RANBP17: variants seen among roughly 807,000 people sequenced by gnomAD.
The protein encoded by RANBP17 is RAN binding protein 17.
Under a neutral mutation model 141.2 loss-of-function variants are expected in RANBP17, and 158 were observed. That is an observed-to-expected ratio of 1.12 (90% confidence interval 0.98 to 1.28). RANBP17 has a LOEUF of 1.28. Among genes scored for constraint, RANBP17 ranks in the 50% most tolerant of loss-of-function variants. The probability of loss-of-function intolerance (pLI) is 0.00; values close to 1 mark genes in which losing one functional copy is unlikely to be tolerated. For synonymous variants in RANBP17, 430 were observed against 450.0 expected, an observed-to-expected ratio of 0.96 and a Z score of 0.56; for missense variants, 1,438 against 1,290.7, an observed-to-expected ratio of 1.11 and a Z score of -1.75.
chr5:171,155,234 T>G (rs1758817054), intron 14 of RANBP17, among the ~76,000 whole-genome samples: 1 of 150,842 alleles, frequency 6.6e-6, no homozygotes, highest in Non-Finnish European at 1.5e-5. Flanking sequence ...GAGAATACAA[T>G]TAGCCTTCCC....
At chr5:171,048,829 C>T (rs573431571) in intron 14 of RANBP17, among the ~76,000 whole-genome samples, 3 of 152,222 alleles carry the variant, frequency 2.0e-5, no homozygotes, top group African/African-American at 7.2e-5. Flanking sequence ...TTAATGGCTG[C>T]ATAGTAGTGC....
At chr5:171,139,983 G>C (rs1757582929) in intron 14 of RANBP17, among the ~76,000 whole-genome samples, 2 of 152,042 alleles carry the variant, frequency 1.3e-5, no homozygotes, top group Non-Finnish European at 2.9e-5. Flanking sequence ...ACCCTCAGCA[G>C]CATAAACTCT....
At chr5:171,004,961 A>C (rs1327072482) in intron 14 of RANBP17, among the ~76,000 whole-genome samples, 1 of 152,168 alleles carries the variant, frequency 6.6e-6, no homozygotes, top group Non-Finnish European at 1.5e-5. Context: ...AGCGGAGGCA[A>C]GTAGCTGTAA....
intron 24 of RANBP17, among the ~76,000 whole-genome samples, chr5:171,256,996 AAAG>A (rs1385320568): frequency 6.6e-6 from 1 of 152,194 alleles, no homozygotes; most frequent in Non-Finnish European, 1.5e-5. Context: ...CCAAATATAC[AAAG>A]AAGAGCTAAT....
At chr5:171,032,164 A>C (rs1213239625) in intron 14 of RANBP17, among the ~76,000 whole-genome samples, 1 of 152,104 alleles carries the variant, frequency 6.6e-6, no homozygotes, top group Non-Finnish European at 1.5e-5. Context: ...TATTAAAGGC[A>C]AGCATAAAGC....
At chr5:171,026,852 C>T (rs1781264179) in intron 14 of RANBP17, among the ~76,000 whole-genome samples, 1 of 152,190 alleles carries the variant, frequency 6.6e-6, no homozygotes, top group Non-Finnish European at 1.5e-5. Flanking sequence ...ACCCCCAGGC[C>T]ACAGGTTGGT....
intron 20 of RANBP17, chr5:171,207,690 C>T (rs181885056): frequency 6.6e-6 from 1 of 152,214 alleles, no homozygotes; most frequent in African/African-American, 2.4e-5. Flanking sequence ...AGTAGCAAAT[C>T]AGCTTCCTTG....
intron 25 of RANBP17, among the ~76,000 whole-genome samples, chr5:171,290,367 C>CA (rs535661442): frequency 0.013 from 1,334 of 102,504 alleles, 18 homozygotes; most frequent in East Asian, 0.088. Flanking sequence ...GACTCCGTCT[C>CA]AAAAAAAAAA....
chr5:171,212,569 C>T (rs1561768954), intron 20 of RANBP17, among the ~76,000 whole-genome samples: 1 of 152,148 alleles, frequency 6.6e-6, no homozygotes, highest in Non-Finnish European at 1.5e-5. Context: ...GGACCTTGAA[C>T]ACCGTGCTAC....
At chr5:171,133,001 T>C (rs1261107375) in intron 14 of RANBP17, among the ~76,000 whole-genome samples, 1 of 152,044 alleles carries the variant, frequency 6.6e-6, no homozygotes, top group East Asian at 1.9e-4. Flanking sequence ...TTCTTCTGCC[T>C]CAGCCTCCCG....
At chr5:171,234,304 C>G (rs1376045719) in intron 22 of RANBP17, among the ~76,000 whole-genome samples, 1 of 152,038 alleles carries the variant, frequency 6.6e-6, no homozygotes, top group Non-Finnish European at 1.5e-5. Context: ...GTAGCTGAAG[C>G]AGATTGAACA....
chr5:170,886,185 G>A (rs1769126522), intron 3 of RANBP17, among the ~76,000 whole-genome samples: 1 of 152,038 alleles, frequency 6.6e-6, no homozygotes, highest in Non-Finnish European at 1.5e-5. Context: ...ATGTGTTTAG[G>A]GGCACATAGA....
chr5:170,971,485 C>T (rs1776984460), intron 14 of RANBP17, among the ~76,000 whole-genome samples: 2 of 152,186 alleles, frequency 1.3e-5, no homozygotes, highest in South Asian at 4.1e-4. Context: ...GAACCCTAGG[C>T]ACCTGACTGC....
At chr5:170,909,519 G>C (rs934743711) in intron 5 of RANBP17, 142 bp from the exon 6 acceptor site, 34 of 560,930 alleles carry the variant, frequency 6.1e-5, no homozygotes, top group Non-Finnish European at 1.0e-4. Flanking sequence ...AGTACGGGTT[G>C]TAGGAAGAAC....
chr5:171,099,726 A>G (rs1372241704), intron 14 of RANBP17, among the ~76,000 whole-genome samples: 2 of 152,122 alleles, frequency 1.3e-5, no homozygotes, highest in African/African-American at 2.4e-5. Flanking sequence ...TCAGTATGAT[A>G]TTGGCTGTGG....
chr5:170,893,653 C>T (rs1365948007), intron 4 of RANBP17, among the ~76,000 whole-genome samples: 2 of 151,838 alleles, frequency 1.3e-5, no homozygotes, highest in Admixed American at 6.6e-5. Flanking sequence ...ATTAGCTGGG[C>T]GTGGTGGCGG....
At chr5:171,222,660 T>C (rs1224539636) in intron 22 of RANBP17, among the ~76,000 whole-genome samples, 1 of 152,150 alleles carries the variant, frequency 6.6e-6, no homozygotes, top group African/African-American at 2.4e-5. Context: ...GGAGTCTCAC[T>C]CTGACACCCA....
Position 171,064,021 on chromosome 5 carries a change from C to T in RANBP17, c.1710+95644C>T, listed in dbSNP as rs141875664. Among the ~76,000 whole-genome samples, 871 of 152,366 alleles carry T rather than the reference C, an allele frequency of 5.7e-3. 7 individuals carry two copies. Among genetic ancestry groups the T allele is most frequent in the Non-Finnish European group, 1.0e-2 (679 of 68,036 alleles). On this transcript the variant is annotated intron_variant, in intron 14 of 27. Coordinates refer to ENST00000523189, the MANE Select transcript of RANBP17 (RefSeq NM_022897.5). ...GTTTGTTAAGCCCATCGGAAAAGCG[C>T]AGTATTAGTGTGGGAGTGACCCGAT...
chr5:170,955,838 C>A (rs1002725594), intron 13 of RANBP17, among the ~76,000 whole-genome samples: 9 of 144,488 alleles, frequency 6.2e-5, no homozygotes, highest in Middle Eastern at 8.1e-3. Context: ...ATATATATAT[C>A]TCAGAGATCT....
Sources: allele counts gnomAD v4.1 joint callset (sites outside exome capture counted in the v4.1 genomes callset), GRCh38; gene constraint gnomAD v4.1.1; transcripts MANE v1.5; gene names NCBI Gene and HGNC (gene_info 2026-07-23, HGNC 2026-07-21).